Variants in SPATA31H1 observed in about 807,000 individuals in gnomAD.
SPATA31H1 encodes SPATA31 subfamily H member 1, also known as spermatogenesis-associated protein 31H1.
At chr2:27,546,741 C>T in the SPATA31H1 span, among the ~76,000 whole-genome samples, 1 of 151,894 alleles carries the variant, frequency 6.6e-6, no homozygotes, top group Non-Finnish European at 1.5e-5. Context: ...CCATGTTGCC[C>T]AGTCTGGTCT....
At chr2:27,574,894 C>G in the SPATA31H1 span, 1 of 398,510 alleles carries the variant, frequency 2.5e-6, no homozygotes. Context: ...ATGAAATCTT[C>G]TGAAGTGATC....
the SPATA31H1 span, among the ~76,000 whole-genome samples, chr2:27,540,530 C>T: frequency 2.9e-4 from 36 of 123,666 alleles, no homozygotes; most frequent in South Asian, 8.6e-4. Flanking sequence ...GGGGCTGACC[C>T]CCCCCCCACC....
chr2:27,579,665 G>A, the SPATA31H1 span: 9 of 1,614,042 alleles, frequency 5.6e-6, no homozygotes, highest in African/African-American at 1.1e-4. Flanking sequence ...TAAAGTCAGA[G>A]TCTTCCCTCA....
the SPATA31H1 span, among the ~76,000 whole-genome samples, chr2:27,554,463 T>A: frequency 1.3e-5 from 2 of 152,128 alleles, 1 homozygote; most frequent in South Asian, 4.1e-4. Flanking sequence ...AGGATTGGGG[T>A]GCCAGCGTGG....
chr2:27,548,918 C>CA, the SPATA31H1 span, among the ~76,000 whole-genome samples: 1 of 150,788 alleles, frequency 6.6e-6, no homozygotes, highest in Non-Finnish European at 1.5e-5. Context: ...ACTAAAAATA[C>CA]AAAAAATTTG....
At chr2:27,537,588 CCCTT>C in the SPATA31H1 span, 1 of 715,960 alleles carries the variant, frequency 1.4e-6, no homozygotes, top group Non-Finnish European at 2.6e-6. Context: ...ATGTAGCCCT[CCCTT>C]GAAACTAACT....
At chr2:27,545,514 C>T in the SPATA31H1 span, among the ~76,000 whole-genome samples, 31,610 of 151,332 alleles carry the variant, frequency 0.21, 3,629 homozygotes, top group East Asian at 0.36. Context: ...CCAAGAATAG[C>T]GTCTGAGAAT....
the SPATA31H1 span, among the ~76,000 whole-genome samples, chr2:27,561,418 A>G: frequency 6.6e-6 from 1 of 152,240 alleles, no homozygotes; most frequent in Non-Finnish European, 1.5e-5. Flanking sequence ...TGGATTGATT[A>G]AATCAAGTGA....
At chr2:27,580,565 G>C in the SPATA31H1 span, 5 of 1,614,098 alleles carry the variant, frequency 3.1e-6, no homozygotes, top group African/African-American at 6.7e-5. Flanking sequence ...GAGCAACTCA[G>C]ACAAGTACTG....
the SPATA31H1 span, among the ~76,000 whole-genome samples, chr2:27,544,616 C>A: frequency 1.5e-4 from 20 of 135,444 alleles, no homozygotes; most frequent in Non-Finnish European, 2.7e-4. Flanking sequence ...CTCGCTGCAG[C>A]CTCTGCCTCC....
chr2:27,568,819 A>G, the SPATA31H1 span: 1 of 399,036 alleles, frequency 2.5e-6, no homozygotes, highest in East Asian at 3.6e-5. Context: ...GGTATGAAAT[A>G]TGGGGAACTG....
the SPATA31H1 span, among the ~76,000 whole-genome samples, chr2:27,547,985 T>TC: frequency 6.9e-6 from 1 of 145,614 alleles, no homozygotes; most frequent in Admixed American, 6.8e-5. Flanking sequence ...ATTTCTTTTT[T>TC]TTTTTTTTTT....
the SPATA31H1 span, among the ~76,000 whole-genome samples, chr2:27,539,704 C>G: frequency 1.3e-5 from 1 of 76,158 alleles, no homozygotes; most frequent in South Asian, 4.5e-4. Flanking sequence ...CGGGCAGAAG[C>G]GCCCCTCACC....
At chr2:27,558,942 A>C in the SPATA31H1 span, among the ~76,000 whole-genome samples, 8 of 142,172 alleles carry the variant, frequency 5.6e-5, no homozygotes, top group Admixed American at 5.0e-4. Context: ...AGGGAGAGGG[A>C]GAGGGAGAGG....
At chr2:27,563,385 C>CTTTTTTTTTTT in the SPATA31H1 span, among the ~76,000 whole-genome samples, 8 of 68,730 alleles carry the variant, frequency 1.2e-4, 3 homozygotes, top group African/African-American at 2.4e-4. Flanking sequence ...TCTTCTACTT[C>CTTTTTTTTTTT]TTTTTTTTTT....
the SPATA31H1 span, among the ~76,000 whole-genome samples, chr2:27,565,070 T>C: frequency 6.6e-5 from 10 of 152,170 alleles, no homozygotes; most frequent in Non-Finnish European, 1.2e-4. Context: ...AAAAGTCTTG[T>C]GCTGATTCTT....
chr2:27,546,837 C>A, the SPATA31H1 span, among the ~76,000 whole-genome samples: 1 of 151,958 alleles, frequency 6.6e-6, no homozygotes, highest in Admixed American at 6.6e-5. Context: ...TGGCCTAATG[C>A]AATATTATTT....
the SPATA31H1 span, among the ~76,000 whole-genome samples, chr2:27,562,745 G>A: frequency 1.3e-5 from 2 of 151,532 alleles, no homozygotes; most frequent in Non-Finnish European, 2.9e-5. Flanking sequence ...AAATTAGCTG[G>A]GCCTGGTGGT....
the SPATA31H1 span, chr2:27,572,083 C>T: frequency 1.5e-5 from 6 of 398,290 alleles, no homozygotes; most frequent in African/African-American, 2.1e-5. Flanking sequence ...GGTATAAAAT[C>T]GGTAGACCTC....
Sources: allele counts gnomAD v4.1 joint callset (sites outside exome capture counted in the v4.1 genomes callset), GRCh38; gene constraint gnomAD v4.1.1; transcripts MANE v1.5; gene names NCBI Gene and HGNC (gene_info 2026-07-23, HGNC 2026-07-21).